ADAMTS3: variants seen among roughly 807,000 people sequenced by gnomAD.
ADAMTS3 encodes ADAM metallopeptidase with thrombospondin type 1 motif 3.
A neutral mutation model predicts 129.0 loss-of-function variants in ADAMTS3; 73 were observed. The observed-to-expected ratio is 0.57, with a 90% CI of 0.47 to 0.69. The LOEUF is 0.69. Ranked by LOEUF, ADAMTS3 falls within the 30% of genes least tolerant of loss-of-function variation. The pLI is 0.00. For missense variants in ADAMTS3, 1,457 were observed against 1,514.5 expected, an observed-to-expected ratio of 0.96 and a Z score of 0.63; for synonymous variants, 477 against 510.8, an observed-to-expected ratio of 0.93 and a Z score of 0.89.
intron 3 of ADAMTS3, among the ~76,000 whole-genome samples, chr4:72,516,363 T>G (rs1390263023): frequency 6.6e-6 from 1 of 152,178 alleles, no homozygotes. Flanking sequence ...TTTTTTCCAA[T>G]TCTGTGAAGA....
At chr4:72,443,846 G>T (rs1241745018) in intron 3 of ADAMTS3, among the ~76,000 whole-genome samples, 1 of 151,718 alleles carries the variant, frequency 6.6e-6, no homozygotes, top group African/African-American at 2.4e-5. Context: ...TGTGGTCATT[G>T]AAGTGTGTTC....
chr4:72,487,157 T>C (rs1007037777), intron 3 of ADAMTS3, among the ~76,000 whole-genome samples: 1 of 152,144 alleles, frequency 6.6e-6, no homozygotes, highest in African/African-American at 2.4e-5. Context: ...AAAAGGTATG[T>C]CAACTCTTAG....
chr4:72,325,254 T>G (rs1719670067), intron 5 of ADAMTS3, among the ~76,000 whole-genome samples: 1 of 152,164 alleles, frequency 6.6e-6, no homozygotes, highest in South Asian at 2.1e-4. Flanking sequence ...AAAGTCAATG[T>G]TAGACAAAAA....
chr4:72,510,174 T>C (rs983494716), intron 3 of ADAMTS3, among the ~76,000 whole-genome samples: 1 of 151,780 alleles, frequency 6.6e-6, no homozygotes, highest in African/African-American at 2.4e-5. Context: ...TCATATTAAA[T>C]GAGGAAAAAC....
intron 2 of ADAMTS3, among the ~76,000 whole-genome samples, chr4:72,558,595 T>A (rs1721825221): frequency 6.6e-6 from 1 of 151,678 alleles, no homozygotes. Context: ...GTTCCAAGGA[T>A]CCAGGCACAG....
chr4:72,452,916 A>C (rs570113054), intron 3 of ADAMTS3, among the ~76,000 whole-genome samples: 1 of 151,898 alleles, frequency 6.6e-6, no homozygotes, highest in East Asian at 2.0e-4. Flanking sequence ...TATCTCAAAG[A>C]ACACTAAACA....
At position 72,550,018 on chromosome 4, in the gene ADAMTS3, A is replaced by G. The variant is rs1181928894; in HGVS notation, c.98-1134T>C. Among the ~76,000 whole-genome samples the G allele has an allele frequency of 7.1e-3, 16 of 2,238 alleles. 1 individual carries two copies. Among genetic ancestry groups the G allele is most frequent in the Non-Finnish European group, 0.023 (10 of 432 alleles). The allele number at this position is 2,238 out of a possible 152,430, so 1.5% of individuals were successfully genotyped here. The stretch of plus-strand genomic sequence containing the variant: ...AGGAAGAGGAAGAAGAAGAAGAAGA[A>G]GAAGAAGAAGAAGAAGAAGAAGAAG... On this transcript the variant is annotated intron_variant, in intron 2 of 21. Coordinates refer to ENST00000286657, the MANE Select transcript of ADAMTS3 (RefSeq NM_014243.3).
chr4:72,317,766 G>A (rs1283510076), intron 10 of ADAMTS3, among the ~76,000 whole-genome samples: 1 of 152,076 alleles, frequency 6.6e-6, no homozygotes, highest in South Asian at 2.1e-4. Flanking sequence ...AGTGGCTCAC[G>A]CCTGTAATCC....
intron 21 of ADAMTS3, among the ~76,000 whole-genome samples, chr4:72,285,872 T>A (rs1718492666): frequency 6.6e-6 from 1 of 152,084 alleles, no homozygotes. Context: ...GACTTCTCGT[T>A]CCACCCCCAA....
chr4:72,552,414 T>C (rs1339745092), intron 2 of ADAMTS3, among the ~76,000 whole-genome samples: 1 of 152,180 alleles, frequency 6.6e-6, no homozygotes, highest in African/African-American at 2.4e-5. Flanking sequence ...GGTTCAACTT[T>C]AAAGTTAGAA....
At chr4:72,545,111 T>G (rs1319140443) in intron 3 of ADAMTS3, among the ~76,000 whole-genome samples, 1 of 152,152 alleles carries the variant, frequency 6.6e-6, no homozygotes, top group African/African-American at 2.4e-5. Flanking sequence ...GTTTTCTACT[T>G]TATTCCAAGA....
In ADAMTS3 at chr4:72,312,346, G is replaced by C. The variant is rs375719765; in HGVS notation, c.1866C>G (p.Ser622=). 3 of 1,613,788 alleles carry C rather than the reference G, an allele frequency of 1.9e-6. No homozygotes were observed. The African/African-American group carries it at 4.0e-5, about 22-fold the overall frequency. ...FRAQQCQQRN[S]HFEYQNTKHH... ...GTTTGGTATTCTGGTATTCAAAGTG[G>C]GAGTTTCGCTGCTGACACTGCTGTG... Residue 622 remains serine, a synonymous_variant, in exon 13 of 22, where the codon TCC becomes TCG. Transcript: ENST00000286657.
chr4:72,482,633 G>A (rs1401373525), intron 3 of ADAMTS3, among the ~76,000 whole-genome samples: 1 of 152,080 alleles, frequency 6.6e-6, no homozygotes, highest in Non-Finnish European at 1.5e-5. Flanking sequence ...ATATCATACT[G>A]TAGTTGAGGA....
chr4:72,350,878 C>T (rs1371316873), intron 4 of ADAMTS3, among the ~76,000 whole-genome samples: 1 of 151,994 alleles, frequency 6.6e-6, no homozygotes, highest in African/African-American at 2.4e-5. Context: ...CAGCTGAATA[C>T]CAGAGGGGGA....
intron 2 of ADAMTS3, among the ~76,000 whole-genome samples, chr4:72,557,478 C>T (rs747238678): frequency 2.1e-4 from 32 of 151,884 alleles, no homozygotes; most frequent in South Asian, 4.1e-4. Context: ...ACCACAAGTC[C>T]GACACCCTCT....
At chr4:72,531,164 A>C (rs750276518) in intron 3 of ADAMTS3, among the ~76,000 whole-genome samples, 7 of 152,096 alleles carry the variant, frequency 4.6e-5, no homozygotes, top group Non-Finnish European at 1.0e-4. Context: ...AGATATAATA[A>C]GTAGATTCAA....
intron 3 of ADAMTS3, among the ~76,000 whole-genome samples, chr4:72,530,849 T>A (rs1337049112): frequency 7.9e-6 from 1 of 126,632 alleles, no homozygotes; most frequent in Non-Finnish European, 1.6e-5. Flanking sequence ...ATATAATATA[T>A]AATATTTTAT....
chr4:72,337,941 T>C (rs1392298785), intron 5 of ADAMTS3, among the ~76,000 whole-genome samples: 1 of 152,138 alleles, frequency 6.6e-6, no homozygotes, highest in African/African-American at 2.4e-5. Flanking sequence ...TCTGTACTGA[T>C]TGTCTTCCAG....
intron 4 of ADAMTS3, among the ~76,000 whole-genome samples, chr4:72,359,006 T>C (rs1720653001): frequency 6.6e-6 from 1 of 151,382 alleles, no homozygotes; most frequent in Non-Finnish European, 1.5e-5. Flanking sequence ...AAAGAAAACA[T>C]AAACAAAACA....
Sources: gnomAD v4.1 joint callset for allele counts (sites outside exome capture counted in the v4.1 genomes callset) on GRCh38, gnomAD v4.1.1 for gene constraint, MANE v1.5 for transcripts, NCBI Gene and HGNC (gene_info 2026-07-23, HGNC 2026-07-21) for gene names.